The following WAPL variants were observed in gnomAD, a reference collection of about 807,000 sequenced individuals.
WAPL encodes wings apart-like protein homolog.
WAPL carries 5 observed loss-of-function variants against 121.0 expected under a neutral mutation model. The ratio of observed to expected loss-of-function variants is 0.04; its 90% CI spans 0.02 to 0.09. WAPL has a LOEUF of 0.09. WAPL is among the 10% of genes least tolerant of loss of function. The pLI, the probability that WAPL is intolerant of heterozygous loss-of-function variation, is 1.00. For synonymous variants in WAPL, 480 were observed against 481.5 expected, an observed-to-expected ratio of 1.00 and a Z score of 0.04; for missense variants, 999 against 1,410.8, an observed-to-expected ratio of 0.71 and a Z score of 4.68.
intron 16 of WAPL, among the ~76,000 whole-genome samples, chr10:86,445,691 A>AT (rs1490984133): frequency 1.3e-5 from 2 of 152,026 alleles, no homozygotes; most frequent in Admixed American, 6.6e-5. Flanking sequence ...TGCCAGGCTA[A>AT]TTTTTTATAT....
At chr10:86,498,128 T>C (rs1250841580) in intron 3 of WAPL, among the ~76,000 whole-genome samples, 2 of 152,224 alleles carry the variant, frequency 1.3e-5, no homozygotes, top group African/African-American at 4.8e-5. Context: ...ACATTTTACA[T>C]CTTTAAAAGT....
intron 12 of WAPL, among the ~76,000 whole-genome samples, chr10:86,454,284 TTAATTTAAG>T (rs1422469938): frequency 1.3e-5 from 2 of 152,250 alleles, no homozygotes; most frequent in Non-Finnish European, 2.9e-5. Context: ...TCATTATTTT[TTAATTTAAG>T]TTCATTCAAA....
Position 86,436,413 on chromosome 10 carries a change from T to C in WAPL, c.*1130A>G, listed in dbSNP as rs1478002957. On this transcript the variant is annotated 3_prime_UTR_variant, in exon 19 of 19. Transcript: ENST00000298767. Reference sequence around the variant, plus strand: ...GGAAAAAAAAAAGTATAACCAGTGGTGTGAATAATACAAGAAAAATTTGCA... The same window carrying C: ...GGAAAAAAAAAAGTATAACCAGTGGCGTGAATAATACAAGAAAAATTTGCA... The C allele has an allele frequency of 1.7e-4, 2 of 11,914 alleles. No homozygotes were observed. Among genetic ancestry groups the C allele is most frequent in the African/African-American group, 1.1e-3 (1 of 874 alleles). The allele number at this position is 11,914 out of a possible 1,614,324, so 0.7% of individuals were successfully genotyped here. A position where few individuals can be genotyped will look rare whatever the true frequency, so the allele number is the denominator to read the frequency against.
chr10:86,435,630 T>G lies in WAPL; in HGVS notation c.*1913A>C, dbSNP rs1214164058. ...CCACCAAAATCTGCATCTCTATCAG[T>G]GCTCGACAATTAGTTATTATTTAAA... On this transcript the variant is annotated 3_prime_UTR_variant, in exon 19 of 19. Coordinates refer to ENST00000298767, the MANE Select transcript of WAPL (RefSeq NM_015045.5). 1 of 152,310 alleles carries G rather than the reference T, an allele frequency of 6.6e-6. No homozygotes were observed. The highest frequency in any genetic ancestry group is 1.5e-5 in the Non-Finnish European group (1 of 67,972). The allele number at this position is 152,310 out of a possible 1,614,324, so 9.4% of individuals were successfully genotyped here. A position where few individuals can be genotyped will look rare whatever the true frequency, so the allele number is the denominator to read the frequency against.
rs200771344 is a variant in WAPL at position 86,456,404 on chromosome 10, CA to C, written c.2658-2574del. Among the ~76,000 whole-genome samples, 579 of 117,630 alleles carry C rather than the reference CA, an allele frequency of 4.9e-3. 1 individual carries two copies. The highest frequency in any genetic ancestry group is 6.0e-3 in the African/African-American group (200 of 33,210). 77.2% of individuals were successfully genotyped at this position (117,630 alleles called of 152,430 possible). ...TGTGTCATTAAAAACTTTATGATAC[CA>C]AAAAAAAAAAAAAAGGATTCTCAAG... is the stretch of plus-strand genomic sequence containing the variant. On this transcript the variant is annotated intron_variant, in intron 12 of 18. Coordinates refer to ENST00000298767, the MANE Select transcript of WAPL (RefSeq NM_015045.5).
chr10:86,459,784 T>A (rs887072219), intron 11 of WAPL, among the ~76,000 whole-genome samples: 1 of 152,160 alleles, frequency 6.6e-6, no homozygotes, highest in Non-Finnish European at 1.5e-5. Context: ...CTACAAACAA[T>A]GTAGTCAAGT....
chr10:86,472,461 A>G lies in WAPL; in HGVS notation c.1894-117T>C. On this transcript the variant is annotated intron_variant, in intron 6 of 18. Transcript: ENST00000298767. The surrounding 1 kb of genome is among the most constrained non-coding windows in gnomAD (Gnocchi z 4.2). ...TAGTTCATTAGATGGCAACAAAAAT[A>G]TTTTTAGAACAAGGATGATGGTAGG... The G allele has an allele frequency of 6.6e-7, 1 of 1,503,980 alleles. No homozygotes were observed. Among genetic ancestry groups the G allele is most frequent in the Non-Finnish European group, 8.9e-7 (1 of 1,122,292 alleles). The allele number at this position is 1,503,980 out of a possible 1,614,324, so 93.2% of individuals were successfully genotyped here. A position where few individuals can be genotyped will look rare whatever the true frequency, so the allele number is the denominator to read the frequency against.
At chr10:86,451,392 CTT>C (rs397737578) in intron 15 of WAPL, among the ~76,000 whole-genome samples, 13 of 145,416 alleles carry the variant, frequency 8.9e-5, no homozygotes, top group Non-Finnish European at 7.6e-5. Flanking sequence ...ATTATACCAC[CTT>C]TTTTTTTTTT....
chr10:86,441,213 C>CA (rs1849462938), intron 17 of WAPL, among the ~76,000 whole-genome samples: 1 of 152,200 alleles, frequency 6.6e-6, no homozygotes. Context: ...CCCAACCCCC[C>CA]ATCTGAAAGA....
chr10:86,500,181 C>T lies in WAPL; in HGVS notation c.1062G>A (p.Arg354=). 1 of 1,614,158 alleles carries T rather than the reference C, an allele frequency of 6.2e-7. No homozygotes were observed. Among genetic ancestry groups the T allele is most frequent in the East Asian group, 2.2e-5 (1 of 44,878 alleles). The part of the protein sequence containing the change: ...CGTSFRGTVG[R]TRDYTVLHPS... ...GATGTAAAACAGTGTAATCTCTAGT[C>T]CGTCCAACTGTCCCTCTAAAACTGG... Residue 354 remains arginine (R), a synonymous_variant, in exon 3 of 19, where the codon CGG becomes CGA. Coordinates refer to ENST00000298767, the MANE Select transcript of WAPL (RefSeq NM_015045.5).
intron 2 of WAPL, among the ~76,000 whole-genome samples, chr10:86,512,305 C>T (rs984853350): frequency 1.3e-5 from 2 of 152,226 alleles, no homozygotes; most frequent in African/African-American, 4.8e-5. Context: ...TTATTGGCTA[C>T]AAAACCAGTC....
At chr10:86,453,516 T>G in intron 13 of WAPL, 140 bp downstream of exon 13, 1 of 1,224,226 alleles carries the variant, frequency 8.2e-7, no homozygotes, top group Admixed American at 2.8e-5. Flanking sequence ...TTAAAAGCAA[T>G]TTAAACCTAC....
In WAPL at chr10:86,435,843, A is replaced by G. The variant is rs1849307116; in HGVS notation, c.*1700T>C. The G allele has an allele frequency of 6.6e-6, 1 of 152,226 alleles. No individual in the cohort carries two copies. Among genetic ancestry groups the G allele is most frequent in the East Asian group, 1.9e-4 (1 of 5,206 alleles). The allele number at this position is 152,226 out of a possible 1,614,324, so 9.4% of individuals were successfully genotyped here. ...TTTCCCTAAATCCAATGATTAATAA[A>G]TATCAATGTATTTTGCATTTTAAAA... On this transcript the variant is annotated 3_prime_UTR_variant, in exon 19 of 19. Transcript: ENST00000298767.
At chr10:86,506,613 C>T (rs1589537281) in intron 2 of WAPL, among the ~76,000 whole-genome samples, 1 of 152,040 alleles carries the variant, frequency 6.6e-6, no homozygotes, top group South Asian at 2.1e-4. Flanking sequence ...CAAAGCAAGA[C>T]TCTCTCTACA....
rs1842472919 is a variant in WAPL at position 86,511,983 on chromosome 10, C to T, written c.499+5588G>A. 2.0e-5 allele frequency among the ~76,000 whole-genome samples: 3 copies of T among 152,028 alleles called. No individual in the cohort carries two copies. In the South Asian group the frequency reaches 6.2e-4, roughly 32 times the overall value. The stretch of plus-strand genomic sequence containing the variant: ...CTTATCCACTTCTCTTAAAAAGAAG[C>T]TGATTTTCGGTATGATTTAAATATA... On this transcript the variant is annotated intron_variant, in intron 2 of 18. Transcript: ENST00000298767.
In WAPL at chr10:86,435,363, C is replaced by A. The variant is rs1849293020; in HGVS notation, c.*2180G>T. On this transcript the variant is annotated 3_prime_UTR_variant, in exon 19 of 19. Transcript: ENST00000298767. ...TTTTTTCCTGCCGTTGGCTTTTGCT[C>A]CAAAGATCACAGCTGAGAAATACTG... is the stretch of plus-strand genomic sequence containing the variant. 1 of 152,510 alleles carries A rather than the reference C, an allele frequency of 6.6e-6. No homozygotes were observed. 9.4% of individuals were successfully genotyped at this position (152,510 alleles called of 1,614,324 possible). A position where few individuals can be genotyped will look rare whatever the true frequency, so the allele number is the denominator to read the frequency against.
intron 2 of WAPL, among the ~76,000 whole-genome samples, chr10:86,504,599 C>G (rs1276726844): frequency 6.6e-6 from 1 of 150,672 alleles, no homozygotes; most frequent in Non-Finnish European, 1.5e-5. Flanking sequence ...ATCGCTTGAA[C>G]CTGGGAGGCA....
At chr10:86,471,574 A>C (rs1401041027) in intron 7 of WAPL, among the ~76,000 whole-genome samples, 2 of 152,188 alleles carry the variant, frequency 1.3e-5, no homozygotes, top group Non-Finnish European at 2.9e-5. Context: ...AAATAAATCT[A>C]ACTTATTACT....
rs1849328989 is a variant in WAPL, at chr10:86,436,609, T to C, written c.*934A>G. On this transcript the variant is annotated 3_prime_UTR_variant, in exon 19 of 19. Transcript: ENST00000298767. ...ACTCTATAGAAGAATATACATGTTA[T>C]CTGGAAACAGGAATTCCACATTGGT... 1 of 152,694 alleles carries C rather than the reference T, an allele frequency of 6.5e-6. No homozygotes were observed. Among genetic ancestry groups the C allele is most frequent in the South Asian group, 2.1e-4 (1 of 4,838 alleles). The allele number at this position is 152,694 out of a possible 1,614,324, so 9.5% of individuals were successfully genotyped here.
Sources: allele counts gnomAD v4.1 joint callset (sites outside exome capture counted in the v4.1 genomes callset), GRCh38; gene constraint gnomAD v4.1.1; non-coding constraint Gnocchi (gnomAD v3.1); transcripts MANE v1.5; gene names NCBI Gene and HGNC (gene_info 2026-07-23, HGNC 2026-07-21).